Variants in EYS observed in about 807,000 individuals in gnomAD.
The protein encoded by EYS is protein eyes shut homolog.
Under a neutral mutation model 282.1 loss-of-function variants are expected in EYS, and 250 were observed. The ratio of observed to expected loss-of-function variants is 0.89; its 90% CI spans 0.80 to 0.98. The LOEUF (loss-of-function observed/expected upper bound fraction) is 0.98. Ranked by LOEUF, EYS falls within the 50% of genes least tolerant of loss-of-function variation. The pLI is 0.00. For synonymous variants in EYS, 1,355 were observed against 1,282.9 expected (o/e 1.06, Z -1.20); for missense variants, 4,016 against 3,709.0 (o/e 1.08, Z -2.15).
At position 64,813,565 on chromosome 6, in the gene EYS, T is replaced by C. The variant is rs1764663698; in HGVS notation, c.3256A>G (p.Ile1086Val). Residue 1086 changes from isoleucine to valine, a missense_variant, in exon 22 of 43, where the codon ATC (isoleucine) becomes GTC (valine). By Grantham distance (29) the Ile-to-Val change is conservative. Transcript: ENST00000503581. ...CKIKINDCTS[I>V]PCMNEGFCQK... ...CAGAAGCCTTCATTCATACAAGGGA[T>C]TGATGTGCAGTCCTAGATTAAGAAA... is the stretch of plus-strand genomic sequence containing the variant. 5 of 1,547,790 alleles carry C rather than the reference T, an allele frequency of 3.2e-6. No individual in the cohort carries two copies. The highest frequency in any genetic ancestry group is 2.0e-5 in the Admixed American group (1 of 50,762).
intron 26 of EYS, among the ~76,000 whole-genome samples, chr6:64,563,958 A>AAT (rs1765481905): frequency 6.6e-6 from 1 of 151,912 alleles, no homozygotes; most frequent in Non-Finnish European, 1.5e-5. Flanking sequence ...TATCAGAAGT[A>AAT]TTACATTTAT....
At chr6:65,256,485 G>C (rs1767470365) in intron 12 of EYS, among the ~76,000 whole-genome samples, 1 of 124,770 alleles carries the variant, frequency 8.0e-6, no homozygotes, top group African/African-American at 3.3e-5. Context: ...CGATCTCATT[G>C]TTCAATTCCC....
intron 36 of EYS, among the ~76,000 whole-genome samples, chr6:63,848,938 A>G (rs571747358): frequency 6.6e-6 from 1 of 152,278 alleles, no homozygotes; most frequent in South Asian, 2.1e-4. Context: ...CACTGGCTTG[A>G]AATTCTTGCT....
intron 1 of EYS, among the ~76,000 whole-genome samples, chr6:65,668,000 T>C (rs1259002420): frequency 6.6e-6 from 1 of 151,902 alleles, no homozygotes; most frequent in Non-Finnish European, 1.5e-5. Context: ...AATAGAAATA[T>C]CAGCAAATGC....
At chr6:64,766,649 A>AAATATATATATAT (rs1387919586) in intron 22 of EYS, among the ~76,000 whole-genome samples, 1 of 19,068 alleles carries the variant, frequency 5.2e-5, no homozygotes, top group Non-Finnish European at 1.0e-4. Flanking sequence ...AAAAAAAAAA[A>AAATATATATATAT]ATATATATAT....
intron 22 of EYS, 143 bp from the exon 23 acceptor site, chr6:64,626,388 G>T: frequency 1.2e-6 from 1 of 868,972 alleles, no homozygotes; most frequent in Non-Finnish European, 1.7e-6. Context: ...GTGACAATGA[G>T]TTGAATTGTG....
intron 13 of EYS, among the ~76,000 whole-genome samples, chr6:65,013,021 TAATC>T (rs981772652): frequency 2.6e-5 from 4 of 152,146 alleles, no homozygotes; most frequent in African/African-American, 9.7e-5. Context: ...TATTTTATCA[TAATC>T]AAAGTTTTTG....
intron 5 of EYS, among the ~76,000 whole-genome samples, chr6:65,481,708 T>C (rs1164966297): frequency 6.6e-6 from 1 of 151,968 alleles, no homozygotes; most frequent in Non-Finnish European, 1.5e-5. Context: ...GCCACCACGC[T>C]CGGCTAATTT....
At chr6:64,760,545 G>T (rs894990434) in intron 22 of EYS, among the ~76,000 whole-genome samples, 6 of 152,112 alleles carry the variant, frequency 3.9e-5, no homozygotes, top group South Asian at 2.1e-4. Flanking sequence ...CTTTTCTTCA[G>T]GTTGCTATGA....
intron 14 of EYS, among the ~76,000 whole-genome samples, chr6:64,954,084 C>T (rs774236776): frequency 4.0e-5 from 6 of 151,816 alleles, no homozygotes; most frequent in Non-Finnish European, 8.8e-5. Context: ...TAAATTTCCA[C>T]TGGTTTTATT....
chr6:65,280,792 C>T (rs971468652), intron 12 of EYS, among the ~76,000 whole-genome samples: 13 of 150,364 alleles, frequency 8.6e-5, no homozygotes, highest in African/African-American at 2.9e-4. Context: ...CCAAGGTGGG[C>T]GGATCGCCTG....
chr6:64,784,540 ATT>A (rs781528842), intron 22 of EYS, among the ~76,000 whole-genome samples: 2 of 152,106 alleles, frequency 1.3e-5, no homozygotes, highest in African/African-American at 2.4e-5. Context: ...TGCTTTACTC[ATT>A]GTTATGTCCT....
At chr6:64,869,574 G>T (rs966506034) in intron 19 of EYS, among the ~76,000 whole-genome samples, 1 of 151,550 alleles carries the variant, frequency 6.6e-6, no homozygotes, top group Non-Finnish European at 1.5e-5. Context: ...TGAATAGAAG[G>T]AAATGGCCAT....
chr6:64,440,112 C>G (rs1774886524), intron 26 of EYS, among the ~76,000 whole-genome samples: 2 of 151,462 alleles, frequency 1.3e-5, no homozygotes, highest in Admixed American at 6.6e-5. Context: ...TCATGACGTC[C>G]CCAACACAAG....
intron 19 of EYS, among the ~76,000 whole-genome samples, chr6:64,840,064 A>G (rs1028078938): frequency 3.9e-4 from 60 of 152,208 alleles, no homozygotes; most frequent in African/African-American, 1.3e-3. Context: ...GTAGCACTAC[A>G]TAGTTGTGGT....
At position 64,268,501 on chromosome 6, in the gene EYS, T is replaced by C. The variant is rs555221045; in HGVS notation, c.6192-37677A>G. Among the ~76,000 whole-genome samples the C allele has an allele frequency of 3.9e-5, 6 of 152,222 alleles. No individual in the cohort carries two copies. In the South Asian group the frequency reaches 1.2e-3, roughly 32 times the overall value. On this transcript the variant is annotated intron_variant, in intron 30 of 42. Coordinates refer to ENST00000503581, the MANE Select transcript of EYS (RefSeq NM_001142800.2). ...AATATAAAGACTATCCTGATTGCTA[T>C]GTAGACAACACATTTGAGGAGGTGT...
chr6:64,613,418 C>G lies in EYS; in HGVS notation c.3684+4000G>C, dbSNP rs568376095. On this transcript the variant is annotated intron_variant, in intron 24 of 42. Coordinates refer to ENST00000503581, the MANE Select transcript of EYS (RefSeq NM_001142800.2). ...CAATCACAAAATTCTGGGTTTTGGTCTGGTGTGTAGAGAATTTGGAAGTCA... is the reference window on the plus strand; with the variant it reads ...CAATCACAAAATTCTGGGTTTTGGTGTGGTGTGTAGAGAATTTGGAAGTCA... Among the ~76,000 whole-genome samples, 3 of 152,142 alleles carry G rather than the reference C, an allele frequency of 2.0e-5. No individual in the cohort carries two copies. The South Asian group carries it at 6.2e-4, about 31-fold the overall frequency.
At chr6:63,900,120 T>A (rs1251536901) in intron 35 of EYS, among the ~76,000 whole-genome samples, 1 of 152,206 alleles carries the variant, frequency 6.6e-6, no homozygotes. Context: ...AGATTTTTTT[T>A]ACCTGCTACT....
intron 31 of EYS, among the ~76,000 whole-genome samples, chr6:64,205,814 TACACACACACACAC>T (rs147264812): frequency 7.3e-6 from 1 of 136,282 alleles, no homozygotes; most frequent in Non-Finnish European, 1.6e-5. Flanking sequence ...TAGGCATTCA[TACACACACACACAC>T]ACACACACAC....
Sources: allele counts gnomAD v4.1 joint callset (sites outside exome capture counted in the v4.1 genomes callset), GRCh38; gene constraint gnomAD v4.1.1; transcripts MANE v1.5; gene names NCBI Gene and HGNC (gene_info 2026-07-23, HGNC 2026-07-21).